The following PTPRD variants were observed in gnomAD, a reference collection of about 807,000 sequenced individuals.
PTPRD encodes the protein receptor-type tyrosine-protein phosphatase delta.
In PTPRD, 34 loss-of-function variants were observed where a neutral mutation model predicts 214.5. That is an observed-to-expected ratio of 0.16 (90% confidence interval 0.12 to 0.21). The LOEUF (loss-of-function observed/expected upper bound fraction) is 0.21. PTPRD is among the 10% of genes least tolerant of loss of function. PTPRD has a pLI of 1.00. For synonymous variants in PTPRD, 1,128 were observed against 845.7 expected (o/e 1.33, Z -5.79); for missense variants, 2,545 against 2,398.7 (o/e 1.06, Z -1.27).
chr9:9,288,477 A>C (rs941535596), intron 9 of PTPRD, among the ~76,000 whole-genome samples: 8 of 151,878 alleles, frequency 5.3e-5, no homozygotes, highest in African/African-American at 1.7e-4. Context: ...GTCATTAACC[A>C]GCACTTGGCC....
At chr9:10,254,824 G>A (rs2093111114) in intron 3 of PTPRD, among the ~76,000 whole-genome samples, 2 of 152,134 alleles carry the variant, frequency 1.3e-5, no homozygotes, top group Admixed American at 1.3e-4. Flanking sequence ...ATTTACTCTG[G>A]CGGGTGCCTG....
intron 8 of PTPRD, among the ~76,000 whole-genome samples, chr9:9,454,081 G>GA (rs564221293): frequency 5.3e-5 from 8 of 150,650 alleles, no homozygotes; most frequent in African/African-American, 1.7e-4. Flanking sequence ...GATTCTTACA[G>GA]AAAAAAAAGT....
intron 26 of PTPRD, among the ~76,000 whole-genome samples, chr9:8,495,318 T>C (rs1450064727): frequency 6.6e-6 from 1 of 152,216 alleles, no homozygotes; most frequent in African/African-American, 2.4e-5. Flanking sequence ...TTTCTCTTCC[T>C]CAGTTCTTAG....
intron 9 of PTPRD, among the ~76,000 whole-genome samples, chr9:9,204,834 A>C (rs2099943884): frequency 6.6e-6 from 1 of 152,164 alleles, no homozygotes; most frequent in Non-Finnish European, 1.5e-5. Flanking sequence ...AGAACCATTT[A>C]TAAATGTCTC....
At chr9:10,036,175 A>C (rs1487523789) in intron 3 of PTPRD, among the ~76,000 whole-genome samples, 4 of 152,202 alleles carry the variant, frequency 2.6e-5, no homozygotes, top group African/African-American at 9.6e-5. Flanking sequence ...TTTTAATAAA[A>C]GTCAGAACAG....
intron 11 of PTPRD, among the ~76,000 whole-genome samples, chr9:8,752,791 T>C (rs2154464692): frequency 6.6e-6 from 1 of 152,054 alleles, no homozygotes; most frequent in East Asian, 1.9e-4. Context: ...CATGATCATC[T>C]AAGCTGGGCC....
At chr9:9,125,693 C>T (rs1001527128) in intron 10 of PTPRD, among the ~76,000 whole-genome samples, 1 of 152,168 alleles carries the variant, frequency 6.6e-6, no homozygotes, top group Admixed American at 6.5e-5. Flanking sequence ...CTAATATTTA[C>T]TGAGTATGTA....
Position 10,164,559 on chromosome 9 carries a change from T to C in PTPRD, c.-544-130769A>G, listed in dbSNP as rs770243994. Among the ~76,000 whole-genome samples the C allele has an allele frequency of 5.5e-4, 83 of 151,652 alleles. 1 individual carries two copies. Among genetic ancestry groups the C allele is most frequent in the Non-Finnish European group, 3.3e-4 (22 of 67,614 alleles). The stretch of plus-strand genomic sequence containing the variant: ...GGACACTAACTTCATATTACAGTTT[T>C]GAGGATGTTCATATGGTGTGACTAA... On this transcript the variant is annotated intron_variant, in intron 3 of 45. Transcript: ENST00000381196.
intron 2 of PTPRD, among the ~76,000 whole-genome samples, chr9:10,558,937 C>T (rs896747351): frequency 2.6e-5 from 4 of 152,114 alleles, no homozygotes; most frequent in Admixed American, 2.0e-4. Flanking sequence ...AAAAGGTATG[C>T]ATGTGAAAGG....
At chr9:8,330,380 T>A (rs970634098) in intron 44 of PTPRD, among the ~76,000 whole-genome samples, 4 of 152,166 alleles carry the variant, frequency 2.6e-5, no homozygotes, top group Non-Finnish European at 5.9e-5. Context: ...CTAAATAGAC[T>A]ATAGTATAAA....
At chr9:9,287,420 G>C (rs1270738123) in intron 9 of PTPRD, among the ~76,000 whole-genome samples, 2 of 151,784 alleles carry the variant, frequency 1.3e-5, no homozygotes, top group Non-Finnish European at 2.9e-5. Context: ...TATGTCTCAA[G>C]TTTGCAGATT....
At position 8,853,280 on chromosome 9, in the gene PTPRD, C is replaced by T. The variant is rs535753075; in HGVS notation, c.-103-119334G>A. On this transcript the variant is annotated intron_variant, in intron 11 of 45. Transcript: ENST00000381196. ...TCTTTGACCTTCCTAAGACTTATGACGCAAAGAAAATGCTGAACTTTTACA... is the reference window on the plus strand; with the variant it reads ...TCTTTGACCTTCCTAAGACTTATGATGCAAAGAAAATGCTGAACTTTTACA... Among the ~76,000 whole-genome samples, 9 of 152,182 alleles carry T rather than the reference C, an allele frequency of 5.9e-5. No homozygotes were observed. In the East Asian group the frequency reaches 1.5e-3, roughly 26 times the overall value.
intron 7 of PTPRD, among the ~76,000 whole-genome samples, chr9:9,603,533 C>T (rs1208930114): frequency 1.3e-5 from 2 of 152,168 alleles, no homozygotes; most frequent in Non-Finnish European, 2.9e-5. Flanking sequence ...AAGTGAGCAG[C>T]AGGCAAGCAA....
intron 34 of PTPRD, among the ~76,000 whole-genome samples, chr9:8,445,216 T>C (rs928859958): frequency 2.0e-5 from 3 of 152,198 alleles, no homozygotes; most frequent in Non-Finnish European, 4.4e-5. Flanking sequence ...GTTACTTAAA[T>C]TGCCTTTTTC....
At chr9:9,339,806 T>C (rs2046070634) in intron 9 of PTPRD, among the ~76,000 whole-genome samples, 1 of 152,176 alleles carries the variant, frequency 6.6e-6, no homozygotes, top group South Asian at 2.1e-4. Flanking sequence ...TTTGAGACTA[T>C]AGCAATGGAA....
intron 6 of PTPRD, among the ~76,000 whole-genome samples, chr9:9,766,096 G>A (rs1448685974): frequency 6.6e-6 from 1 of 152,118 alleles, no homozygotes. Flanking sequence ...CTGTCCTCAG[G>A]AATCTTAGTT....
chr9:9,696,305 T>C (rs571916448), intron 7 of PTPRD, among the ~76,000 whole-genome samples: 80 of 151,230 alleles, frequency 5.3e-4, no homozygotes, highest in Non-Finnish European at 6.8e-4. Flanking sequence ...TCTACAAATA[T>C]TAGTTAGGCC....
At chr9:10,097,974 C>T (rs2098509400) in intron 3 of PTPRD, among the ~76,000 whole-genome samples, 2 of 151,742 alleles carry the variant, frequency 1.3e-5, no homozygotes, top group Non-Finnish European at 2.9e-5. Context: ...ACCATTTGAC[C>T]CAGCCATCCC....
intron 39 of PTPRD, among the ~76,000 whole-genome samples, chr9:8,348,115 A>T (rs371753944): frequency 7.9e-5 from 12 of 152,294 alleles, no homozygotes; most frequent in African/African-American, 2.9e-4. Context: ...GCTGAAAGGC[A>T]GTGAGGGAAA....
Sources: gnomAD v4.1 joint callset for allele counts (sites outside exome capture counted in the v4.1 genomes callset) on GRCh38, gnomAD v4.1.1 for gene constraint, MANE v1.5 for transcripts, NCBI Gene and HGNC (gene_info 2026-07-23, HGNC 2026-07-21) for gene names.